Variants in ASXL2 observed in about 807,000 individuals in gnomAD.
The protein encoded by ASXL2 is putative Polycomb group protein ASXL2.
A neutral mutation model predicts 122.0 loss-of-function variants in ASXL2; 23 were observed. That is an observed-to-expected ratio of 0.19 (90% CI 0.14 to 0.27). The LOEUF (loss-of-function observed/expected upper bound fraction) is 0.27. Among genes scored for constraint, ASXL2 ranks in the 10% least tolerant of loss-of-function variants. The pLI, the probability that ASXL2 is intolerant of heterozygous loss-of-function variation, is 1.00. For missense variants in ASXL2, 1,518 were observed against 1,713.8 expected (o/e 0.89, Z 2.02); for synonymous variants, 650 against 637.0 (o/e 1.02, Z -0.31).
chr2:25,799,988 A>T (rs976866389), intron 4 of ASXL2, among the ~76,000 whole-genome samples: 1 of 150,694 alleles, frequency 6.6e-6, no homozygotes, highest in Non-Finnish European at 1.5e-5. Flanking sequence ...TACAAAAAAA[A>T]AATGCAAAAA....
intron 3 of ASXL2, among the ~76,000 whole-genome samples, chr2:25,812,304 T>G (rs1372559420): frequency 1.3e-5 from 2 of 151,340 alleles, no homozygotes; most frequent in Admixed American, 1.3e-4. Flanking sequence ...ACTAAAAATA[T>G]AAAAAATTAG....
At chr2:25,869,121 C>A (rs1300206900) in intron 1 of ASXL2, among the ~76,000 whole-genome samples, 2 of 150,488 alleles carry the variant, frequency 1.3e-5, no homozygotes, top group Non-Finnish European at 3.0e-5. Context: ...GCCGAGATCA[C>A]GCCATTGCAC....
At position 25,735,962 on chromosome 2, in the gene ASXL2, G is replaced by A. The variant is rs2087728601; in HGVS notation, c.*6067C>T. The A allele has an allele frequency of 6.6e-6, 1 of 152,082 alleles. No individual in the cohort carries two copies. Among genetic ancestry groups the A allele is most frequent in the South Asian group, 2.1e-4 (1 of 4,826 alleles). 9.4% of individuals were successfully genotyped at this position (152,082 alleles called of 1,614,324 possible). On this transcript the variant is annotated 3_prime_UTR_variant, in exon 13 of 13. Coordinates refer to ENST00000435504, the MANE Select transcript of ASXL2 (RefSeq NM_018263.6). ...AAGGTAGTATTACTCCTTGAGCCTA[G>A]AACTAAAAACATGCTGTATAGTCAC...
chr2:25,781,033 G>A (rs535249603), intron 5 of ASXL2, among the ~76,000 whole-genome samples: 5 of 141,950 alleles, frequency 3.5e-5, no homozygotes, highest in Non-Finnish European at 7.5e-5. Flanking sequence ...ACAGTGAGCC[G>A]AGATCATGCC....
chr2:25,822,470 T>C, intron 3 of ASXL2: 1 of 476,090 alleles, frequency 2.1e-6, no homozygotes, highest in South Asian at 2.0e-5. Flanking sequence ...CTGTTCACAA[T>C]GCAGCCTGCT....
In ASXL2 at chr2:25,759,539, G is replaced by A. The variant is rs1469683092; in HGVS notation, c.882C>T (p.Val294=). The part of the protein sequence containing the change: ...RALINKHTFS[V]LPGDCQQRLL... Reference sequence around the variant, plus strand: ...GTCGTTGCTGGCAATCTCCAGGAAGGACTGAAAATGTGTGCTTGTTGATCA... The same window carrying A: ...GTCGTTGCTGGCAATCTCCAGGAAGAACTGAAAATGTGTGCTTGTTGATCA... The change falls in exon 9 of 13, where the codon GTC becomes GTT. Residue 294 remains valine (V), a synonymous_variant. Transcript: ENST00000435504. 2.5e-6 allele frequency: 4 copies of A among 1,613,860 alleles called. No individual in the cohort carries two copies. The highest frequency in any genetic ancestry group is 1.7e-5 in the Admixed American group (1 of 60,010).
chr2:25,837,098 G>A (rs2089521144), intron 2 of ASXL2, among the ~76,000 whole-genome samples: 1 of 120,290 alleles, frequency 8.3e-6, no homozygotes, highest in South Asian at 3.1e-4. Flanking sequence ...GGGGGGGGGC[G>A]TGGGAAGCAC....
intron 3 of ASXL2, among the ~76,000 whole-genome samples, chr2:25,814,282 C>G (rs1252253581): frequency 1.3e-5 from 2 of 152,098 alleles, no homozygotes; most frequent in African/African-American, 2.4e-5. Context: ...AGAAGCAAAA[C>G]AGGACACACT....
chr2:25,873,696 T>C (rs570631195), intron 1 of ASXL2, among the ~76,000 whole-genome samples: 16 of 151,304 alleles, frequency 1.1e-4, no homozygotes, highest in Non-Finnish European at 2.4e-4. Context: ...ATTCCAAAGA[T>C]CTACACTACA....
chr2:25,811,855 G>T (rs1334546521), intron 3 of ASXL2, among the ~76,000 whole-genome samples: 1 of 152,036 alleles, frequency 6.6e-6, no homozygotes, highest in Non-Finnish European at 1.5e-5. Flanking sequence ...GGGTTCAAGC[G>T]ATTCTCCTGC....
Position 25,742,384 on chromosome 2 carries a change from C to G in ASXL2, c.3953G>C (p.Gly1318Ala). Residue 1318 changes from glycine to alanine, a missense_variant, in exon 13 of 13, where the codon GGA (glycine) becomes GCA (alanine). This residue lies in a region of ASXL2 where 831 missense variants were observed against 833.1 expected (regional missense o/e 1.00). Transcript: ENST00000435504. ...LPPLQTPKLY[G>A]SPTQIGPSYR... ...GCTTGGCCCTATCTGGGTGGGGCTT[C>G]CATACAACTTCGGGGTTTGCAGGGG... The G allele has an allele frequency of 6.5e-7, 1 of 1,528,340 alleles. No homozygotes were observed. Among genetic ancestry groups the G allele is most frequent in the Non-Finnish European group, 8.9e-7 (1 of 1,126,640 alleles). 94.7% of individuals were successfully genotyped at this position (1,528,340 alleles called of 1,614,324 possible).
chr2:25,868,374 G>A (rs1322461454), intron 1 of ASXL2, among the ~76,000 whole-genome samples: 10 of 152,338 alleles, frequency 6.6e-5, no homozygotes, highest in African/African-American at 2.2e-4. Context: ...ATTAAAGTCA[G>A]TAGCCAAGAA....
Position 25,777,883 on chromosome 2 carries a change from T to C in ASXL2, c.404-6343A>G, listed in dbSNP as rs573647911. On this transcript the variant is annotated intron_variant, in intron 5 of 12. Transcript: ENST00000435504. ...GACAGTTTGATTGGCATCCTTATGA[T>C]ATTTTTCTATGCAAATAAAAATACA... Among the ~76,000 whole-genome samples, 18 of 152,318 alleles carry C rather than the reference T, an allele frequency of 1.2e-4. 1 individual carries two copies. In the East Asian group the frequency reaches 3.1e-3, roughly 26 times the overall value.
At chr2:25,809,226 G>A (rs2089129566) in intron 3 of ASXL2, among the ~76,000 whole-genome samples, 1 of 151,958 alleles carries the variant, frequency 6.6e-6, no homozygotes, top group South Asian at 2.1e-4. Flanking sequence ...GCAGGCAGTT[G>A]AGAGGGGGCA....
intron 5 of ASXL2, among the ~76,000 whole-genome samples, chr2:25,774,637 T>C (rs935496632): frequency 2.6e-5 from 4 of 152,238 alleles, no homozygotes; most frequent in African/African-American, 9.6e-5. Context: ...GTGTTTTTCA[T>C]CTGGGAATAT....
At chr2:25,753,080 G>A (rs1161335322) in intron 11 of ASXL2, among the ~76,000 whole-genome samples, 4 of 151,122 alleles carry the variant, frequency 2.6e-5, no homozygotes, top group Admixed American at 6.6e-5. Flanking sequence ...CGATTCTCCT[G>A]CCTCAGCCTC....
chr2:25,758,142 T>C (rs973700440), intron 9 of ASXL2, among the ~76,000 whole-genome samples: 4 of 152,220 alleles, frequency 2.6e-5, no homozygotes, highest in Admixed American at 1.3e-4. Flanking sequence ...CTCTGGACAA[T>C]GGACTCTGAA....
chr2:25,855,922 C>T (rs952029631), intron 1 of ASXL2, among the ~76,000 whole-genome samples: 3 of 121,144 alleles, frequency 2.5e-5, no homozygotes, highest in Admixed American at 2.4e-4. Flanking sequence ...GAGACAGAGT[C>T]TCGCTCTGTC....
At chr2:25,807,792 G>A (rs2089105051) in intron 3 of ASXL2, among the ~76,000 whole-genome samples, 1 of 152,102 alleles carries the variant, frequency 6.6e-6, no homozygotes, top group Non-Finnish European at 1.5e-5. Flanking sequence ...TTTATGTTTA[G>A]TATGAAAAAC....
Sources: gnomAD v4.1 joint callset for allele counts (sites outside exome capture counted in the v4.1 genomes callset) on GRCh38, gnomAD v4.1.1 for gene constraint, gnomAD v4.1.1 regional missense constraint, MANE v1.5 for transcripts, NCBI Gene and HGNC (gene_info 2026-07-23, HGNC 2026-07-21) for gene names.